Variants in ACBD6 observed in about 807,000 individuals in gnomAD.
The protein encoded by ACBD6 is acyl-CoA-binding domain-containing protein 6.
ACBD6 carries 28 observed loss-of-function variants against 37.2 expected under a neutral mutation model. The observed-to-expected ratio is 0.75, with a 90% CI of 0.56 to 1.03. ACBD6 has a LOEUF of 1.03. Ranked by LOEUF, ACBD6 falls within the 50% of genes least tolerant of loss-of-function variation. ACBD6 has a pLI of 0.00. For synonymous variants in ACBD6, 113 were observed against 126.8 expected, an observed-to-expected ratio of 0.89 and a Z score of 0.73; for missense variants, 340 against 337.4, an observed-to-expected ratio of 1.01 and a Z score of -0.06.
chr1:180,491,658 C>G (rs1651506536), intron 3 of ACBD6, among the ~76,000 whole-genome samples: 1 of 152,044 alleles, frequency 6.6e-6, no homozygotes, highest in African/African-American at 2.4e-5. Context: ...AAACGAAATC[C>G]AAGAGTAACC....
At chr1:180,338,194 T>C (rs562754489) in intron 6 of ACBD6, among the ~76,000 whole-genome samples, 20 of 152,224 alleles carry the variant, frequency 1.3e-4, no homozygotes, top group African/African-American at 4.6e-4. Context: ...AAAGTTCATA[T>C]GGAACCAAAA....
Position 180,492,307 on chromosome 1 carries a change from C to A in ACBD6, c.346G>T (p.Ala116Ser). The A allele has an allele frequency of 6.2e-7, 1 of 1,613,980 alleles. No individual in the cohort carries two copies. The highest frequency in any genetic ancestry group is 8.5e-7 in the Non-Finnish European group (1 of 1,179,978). ...SPSQAMQEYI[A>S]VVKKLDPGWN... is the part of the protein sequence containing the mutation. Reference sequence around the variant, plus strand: ...CCTGGATCTAGTTTTTTAACTACTGCGATATATTCCTGCATTGCTTGGCTG... The same window carrying A: ...CCTGGATCTAGTTTTTTAACTACTGAGATATATTCCTGCATTGCTTGGCTG... The change falls in exon 3 of 8, where the codon GCA (alanine) becomes TCA (serine). Residue 116 changes from alanine to serine, a missense_variant. By Grantham distance (99) the Ala-to-Ser change is moderately conservative. Transcript: ENST00000367595.
chr1:180,487,493 T>C (rs1312952009), intron 3 of ACBD6, among the ~76,000 whole-genome samples: 1 of 152,176 alleles, frequency 6.6e-6, no homozygotes, highest in African/African-American at 2.4e-5. Flanking sequence ...ATATGCTACC[T>C]GCCCATTAGT....
chr1:180,363,836 A>G (rs1001413539), intron 6 of ACBD6, among the ~76,000 whole-genome samples: 10 of 151,980 alleles, frequency 6.6e-5, no homozygotes, highest in Non-Finnish European at 1.3e-4. Context: ...AGAACCTTGA[A>G]TTCCATTAGA....
chr1:180,307,582 T>C (rs1024898291), intron 7 of ACBD6, among the ~76,000 whole-genome samples: 2 of 152,214 alleles, frequency 1.3e-5, no homozygotes, highest in African/African-American at 4.8e-5. Context: ...GATGTGATTA[T>C]TACACATTGG....
intron 6 of ACBD6, among the ~76,000 whole-genome samples, chr1:180,374,068 T>C (rs1192145655): frequency 6.6e-6 from 1 of 152,162 alleles, no homozygotes; most frequent in Non-Finnish European, 1.5e-5. Flanking sequence ...GGAAGGCACA[T>C]CCTTAGTGCA....
intron 4 of ACBD6, among the ~76,000 whole-genome samples, chr1:180,426,158 T>G (rs1006440749): frequency 6.6e-6 from 1 of 152,196 alleles, no homozygotes; most frequent in African/African-American, 2.4e-5. Context: ...AGTTGTATAC[T>G]AGGACTGGTC....
intron 6 of ACBD6, among the ~76,000 whole-genome samples, chr1:180,396,682 T>A (rs1654273303): frequency 1.3e-5 from 2 of 152,170 alleles, no homozygotes; most frequent in Admixed American, 1.3e-4. Flanking sequence ...AACAAGCGTA[T>A]GAAAAGGTAC....
At chr1:180,461,760 A>C (rs186915300) in intron 3 of ACBD6, among the ~76,000 whole-genome samples, 78 of 152,308 alleles carry the variant, frequency 5.1e-4, no homozygotes, top group African/African-American at 1.8e-3. Context: ...AGGTCCTTGC[A>C]GGAGCTCCTG....
At chr1:180,494,449 T>C (rs1651648349) in intron 2 of ACBD6, among the ~76,000 whole-genome samples, 1 of 152,176 alleles carries the variant, frequency 6.6e-6, no homozygotes, top group Non-Finnish European at 1.5e-5. Context: ...AAGAATATAA[T>C]CAATGCACTG....
At chr1:180,293,294 ATTTTTTT>A (rs58030337) in intron 7 of ACBD6, among the ~76,000 whole-genome samples, 3 of 109,756 alleles carry the variant, frequency 2.7e-5, no homozygotes, top group African/African-American at 6.8e-5. Flanking sequence ...TGTGTGTAGA[ATTTTTTT>A]TTTTTTTTTT....
rs567333340 is a variant in ACBD6, at chr1:180,398,650, G to C, written c.574-1045C>G. Among the ~76,000 whole-genome samples, 173 of 152,210 alleles carry C rather than the reference G, an allele frequency of 1.1e-3. 1 individual carries two copies. Among genetic ancestry groups the C allele is most frequent in the African/African-American group, 4.0e-3 (166 of 41,538 alleles). ...AAGACTCACAGTTACTATTACGTGT[G>C]TTATTTCTATTCTCTACTGCCAGAA... is the stretch of plus-strand genomic sequence containing the variant. On this transcript the variant is annotated intron_variant, in intron 5 of 7. Transcript: ENST00000367595.
chr1:180,410,942 C>G (rs1432618722), intron 5 of ACBD6, among the ~76,000 whole-genome samples: 1 of 152,126 alleles, frequency 6.6e-6, no homozygotes, highest in Non-Finnish European at 1.5e-5. Flanking sequence ...ATTCCAGATG[C>G]CATTAAGAAC....
intron 6 of ACBD6, among the ~76,000 whole-genome samples, chr1:180,382,815 T>C (rs1293056858): frequency 1.3e-5 from 2 of 152,158 alleles, no homozygotes. Flanking sequence ...AACAAAATAC[T>C]AGCAAACCAA....
intron 6 of ACBD6, among the ~76,000 whole-genome samples, chr1:180,347,374 T>G (rs1361137929): frequency 6.7e-6 from 1 of 150,070 alleles, no homozygotes; most frequent in African/African-American, 2.5e-5. Context: ...TTTTTTTTTT[T>G]TTTTTTTTGA....
chr1:180,467,600 A>AT (rs1650402945), intron 3 of ACBD6, among the ~76,000 whole-genome samples: 1 of 152,004 alleles, frequency 6.6e-6, no homozygotes, highest in Non-Finnish European at 1.5e-5. Context: ...GCAGGGAGCT[A>AT]TGATCACGCT....
intron 5 of ACBD6, among the ~76,000 whole-genome samples, chr1:180,399,979 A>G (rs1415789232): frequency 1.3e-5 from 2 of 152,250 alleles, no homozygotes; most frequent in Admixed American, 6.5e-5. Context: ...GTAGGACAAC[A>G]TAATATGTCT....
At chr1:180,312,353 A>G (rs1411912106) in intron 7 of ACBD6, among the ~76,000 whole-genome samples, 3 of 152,096 alleles carry the variant, frequency 2.0e-5, no homozygotes, top group Admixed American at 6.6e-5. Context: ...AAAATGTTTT[A>G]AATTTTTTTT....
At chr1:180,489,759 C>T (rs546267043) in intron 3 of ACBD6, among the ~76,000 whole-genome samples, 1 of 151,718 alleles carries the variant, frequency 6.6e-6, no homozygotes, top group South Asian at 2.1e-4. Flanking sequence ...CGGGTTCAAG[C>T]GATTCTCCTG....
Sources: gnomAD v4.1 joint callset for allele counts (sites outside exome capture counted in the v4.1 genomes callset) on GRCh38, gnomAD v4.1.1 for gene constraint, MANE v1.5 for transcripts, NCBI Gene and HGNC (gene_info 2026-07-23, HGNC 2026-07-21) for gene names.